The following GTF2B variants were observed in gnomAD, a reference collection of about 807,000 sequenced individuals.
The protein encoded by GTF2B is transcription initiation factor IIB.
GTF2B carries 20 observed loss-of-function variants against 34.6 expected under a neutral mutation model. The observed-to-expected ratio is 0.58, with a 90% CI of 0.41 to 0.84. GTF2B has a LOEUF of 0.84. GTF2B is among the 40% of genes least tolerant of loss of function. The probability of loss-of-function intolerance (pLI) is 0.00; values close to 1 mark genes in which losing one functional copy is unlikely to be tolerated. For missense variants in GTF2B, 237 were observed against 393.3 expected, an observed-to-expected ratio of 0.60 and a Z score of 3.36; for synonymous variants, 142 against 132.4, an observed-to-expected ratio of 1.07 and a Z score of -0.50.
In GTF2B at chr1:88,857,112, T is replaced by G. The variant is rs1268771038; in HGVS notation, c.817+94A>C. On this transcript the variant is annotated intron_variant, in intron 6 of 6. Coordinates refer to ENST00000370500, the MANE Select transcript of GTF2B (RefSeq NM_001514.6). ...CCCCGCGCCTGGTCAAATGTGGGTT[T>G]CTTGCTATTTACCCGGTTCAGACTT... The G allele has an allele frequency of 3.4e-6, 4 of 1,177,072 alleles. No individual in the cohort carries two copies. In the African/African-American group the frequency reaches 6.1e-5, roughly 18 times the overall value. The allele number at this position is 1,177,072 out of a possible 1,614,324, so 72.9% of individuals were successfully genotyped here.
intron 6 of GTF2B, among the ~76,000 whole-genome samples, chr1:88,854,336 T>C (rs939486168): frequency 2.0e-5 from 3 of 152,294 alleles, no homozygotes; most frequent in East Asian, 1.9e-4. Flanking sequence ...CTTAAATATT[T>C]TGAGCTCAAA....
chr1:88,882,854 A>G (rs72961765), intron 2 of GTF2B, among the ~76,000 whole-genome samples: 1,766 of 152,330 alleles, frequency 0.012, 32 homozygotes, highest in African/African-American at 0.041. Context: ...ATACTGTTAC[A>G]CTGCAGATTA....
At chr1:88,872,806 G>T (rs1329814375) in intron 2 of GTF2B, among the ~76,000 whole-genome samples, 1 of 152,042 alleles carries the variant, frequency 6.6e-6, no homozygotes, top group African/African-American at 2.4e-5. Context: ...CAGTTTTATT[G>T]TGTTTGTCTC....
chr1:88,872,587 C>T (rs1673722553), intron 2 of GTF2B, among the ~76,000 whole-genome samples: 1 of 151,664 alleles, frequency 6.6e-6, no homozygotes, highest in Non-Finnish European at 1.5e-5. Context: ...TGATTTGTAG[C>T]CCTGAGCTCT....
intron 2 of GTF2B, among the ~76,000 whole-genome samples, chr1:88,876,188 C>T (rs1240482201): frequency 2.0e-5 from 3 of 152,116 alleles, no homozygotes; most frequent in African/African-American, 7.2e-5. Context: ...TTAAATGAAA[C>T]CTGATTTTTT....
At chr1:88,881,488 C>T (rs892443986) in intron 2 of GTF2B, among the ~76,000 whole-genome samples, 9 of 152,038 alleles carry the variant, frequency 5.9e-5, no homozygotes, top group African/African-American at 2.2e-4. Context: ...TATATTCATG[C>T]AGTGTCATGT....
chr1:88,868,731 CTG>C (rs1673614822), intron 2 of GTF2B, among the ~76,000 whole-genome samples: 1 of 111,684 alleles, frequency 9.0e-6, no homozygotes, highest in South Asian at 3.6e-4. Context: ...CCTGCTGTAT[CTG>C]TGTATTCTTT....
chr1:88,853,145 C>T lies in GTF2B; in HGVS notation c.*68G>A. 1 of 1,432,580 alleles carries T rather than the reference C, an allele frequency of 7.0e-7. No homozygotes were observed. The highest frequency in any genetic ancestry group is 9.9e-7 in the Non-Finnish European group (1 of 1,014,716). 88.7% of individuals were successfully genotyped at this position (1,432,580 alleles called of 1,614,324 possible). A position where few individuals can be genotyped will look rare whatever the true frequency, so the allele number is the denominator to read the frequency against. On this transcript the variant is annotated 3_prime_UTR_variant, in exon 7 of 7. Transcript: ENST00000370500. ...TTTCCTCATGAAAGGCTCAACCCAG[C>T]ATTTTGTATAGGCTATGTACAACAG... is the stretch of plus-strand genomic sequence containing the variant.
At chr1:88,856,287 A>AAAAAAAT (rs1673309532) in intron 6 of GTF2B, among the ~76,000 whole-genome samples, 1 of 100,986 alleles carries the variant, frequency 9.9e-6, no homozygotes, top group Admixed American at 9.4e-5. Flanking sequence ...AAAAAAAAAA[A>AAAAAAAT]AAACAAAAAA....
At chr1:88,887,680 A>ACTG in intron 1 of GTF2B, 1 of 297,382 alleles carries the variant, frequency 3.4e-6, no homozygotes. Context: ...TAGTATAGTA[A>ACTG]TGACTAGTTA....
chr1:88,862,394 TAGCC>T (rs1673458038), intron 3 of GTF2B, among the ~76,000 whole-genome samples: 1 of 151,998 alleles, frequency 6.6e-6, no homozygotes, highest in Non-Finnish European at 1.5e-5. Context: ...ATACAAAAAT[TAGCC>T]ATGTGTCGTG....
chr1:88,870,616 T>C (rs1410046979), intron 2 of GTF2B, among the ~76,000 whole-genome samples: 1 of 152,214 alleles, frequency 6.6e-6, no homozygotes, highest in Non-Finnish European at 1.5e-5. Context: ...TTTAATAGAC[T>C]ATTAATTTTT....
At chr1:88,867,321 A>C (rs572290229) in intron 2 of GTF2B, among the ~76,000 whole-genome samples, 51 of 152,318 alleles carry the variant, frequency 3.3e-4, no homozygotes, top group African/African-American at 1.2e-3. Context: ...TTTCATGACA[A>C]GCTCTTTTCA....
intron 2 of GTF2B, among the ~76,000 whole-genome samples, chr1:88,869,130 T>C (rs1469354519): frequency 3.9e-5 from 5 of 127,858 alleles, no homozygotes; most frequent in African/African-American, 1.7e-4. Context: ...GTACAGACAT[T>C]TTTTTCTTGC....
rs534268208 is a variant in GTF2B, at chr1:88,871,076, A to G, written c.125-6962T>C. Among the ~76,000 whole-genome samples the G allele has an allele frequency of 3.3e-5, 5 of 151,658 alleles. No individual in the cohort carries two copies. The South Asian group carries it at 1.0e-3, about 32-fold the overall frequency. On this transcript the variant is annotated intron_variant, in intron 2 of 6. Transcript: ENST00000370500. ...GCCACCACGCCTGGCTAATTTTTGT[A>G]TTTTTAGTAGAGACGGGGTTTCATT...
chr1:88,864,647 G>A (rs75924480), intron 2 of GTF2B, among the ~76,000 whole-genome samples: 47 of 152,320 alleles, frequency 3.1e-4, no homozygotes, highest in African/African-American at 1.1e-3. Flanking sequence ...CCTAGAATCC[G>A]TGAGAAGAAA....
rs779320166 is a variant in GTF2B, at chr1:88,859,857, CA to C, written c.535+24del. The C allele has an allele frequency of 1.3e-4, 205 of 1,603,338 alleles. 1 individual carries two copies. Among genetic ancestry groups the C allele is most frequent in the South Asian group, 6.0e-4 (54 of 90,680 alleles). ...TCTCAAACAAACAAACAAACAAACA[CA>C]AAAAAACAAAGCTAAAAACTTACCT... On this transcript the variant is annotated intron_variant, in intron 5 of 6. Transcript: ENST00000370500.
At chr1:88,867,484 A>C (rs1673588062) in intron 2 of GTF2B, among the ~76,000 whole-genome samples, 1 of 152,220 alleles carries the variant, frequency 6.6e-6, no homozygotes, top group Non-Finnish European at 1.5e-5. Flanking sequence ...CAAAATAAAA[A>C]CACAAACATG....
At chr1:88,869,808 G>A (rs1214187537) in intron 2 of GTF2B, among the ~76,000 whole-genome samples, 1 of 151,980 alleles carries the variant, frequency 6.6e-6, no homozygotes, top group Non-Finnish European at 1.5e-5. Flanking sequence ...TGTATTTTTA[G>A]TAGACGGGGT....
Sources: gnomAD v4.1 joint callset for allele counts (sites outside exome capture counted in the v4.1 genomes callset) on GRCh38, gnomAD v4.1.1 for gene constraint, MANE v1.5 for transcripts, NCBI Gene and HGNC (gene_info 2026-07-23, HGNC 2026-07-21) for gene names.